ADGRV1: variants seen among roughly 807,000 people sequenced by gnomAD.
ADGRV1 encodes G-protein coupled receptor 98.
Under a neutral mutation model 596.2 loss-of-function variants are expected in ADGRV1, and 359 were observed. The observed-to-expected ratio is 0.60, with a 90% CI of 0.55 to 0.66. ADGRV1 has a LOEUF of 0.66. Ranked by LOEUF, ADGRV1 falls within the 30% of genes least tolerant of loss-of-function variation. The probability of loss-of-function intolerance (pLI) is 0.00; values close to 1 mark genes in which losing one functional copy is unlikely to be tolerated. For missense variants in ADGRV1, 7,274 were observed against 7,575.6 expected, an observed-to-expected ratio of 0.96 and a Z score of 1.48; for synonymous variants, 2,681 against 2,679.2, an observed-to-expected ratio of 1.00 and a Z score of -0.02.
intron 55 of ADGRV1, 40 bp from the exon 56 acceptor site, chr5:90,756,414 A>T: frequency 3.2e-6 from 4 of 1,250,902 alleles, no homozygotes; most frequent in South Asian, 1.8e-5. Flanking sequence ...TAAATGTCTT[A>T]AAAAAAAATG....
chr5:90,841,241 G>GA (rs34693105), intron 78 of ADGRV1, among the ~76,000 whole-genome samples: 5 of 151,746 alleles, frequency 3.3e-5, no homozygotes, highest in African/African-American at 7.3e-5. Context: ...CCTAGTGCAT[G>GA]AAAAAAAAGG....
Position 90,651,742 on chromosome 5 carries a change from T to C in ADGRV1, c.3416+12T>C. 2 of 1,557,260 alleles carry C rather than the reference T, an allele frequency of 1.3e-6. No homozygotes were observed. Among genetic ancestry groups the C allele is most frequent in the African/African-American group, 2.7e-5 (2 of 73,820 alleles). On this transcript the variant is annotated intron_variant, in intron 18 of 89. Transcript: ENST00000405460. ...ACTAATGCATTTTGGTAAGCATATG[T>C]AGATAAGGCAAGTTTAAAATTGGGT...
intron 45 of ADGRV1, among the ~76,000 whole-genome samples, chr5:90,721,519 T>TAAAATAAAATA: frequency 1.9e-5 from 1 of 52,078 alleles, no homozygotes; most frequent in East Asian, 7.8e-4. Context: ...TAAAATAAAA[T>TAAAATAAAATA]AAAATAAAAA....
At chr5:90,820,655 TA>T (rs1447895992) in intron 75 of ADGRV1, among the ~76,000 whole-genome samples, 1 of 150,354 alleles carries the variant, frequency 6.7e-6, no homozygotes, top group Non-Finnish European at 1.5e-5. Flanking sequence ...TAAAGTATTT[TA>T]TTTCTCCTTC....
intron 84 of ADGRV1, among the ~76,000 whole-genome samples, chr5:90,973,257 G>C (rs1387767528): frequency 6.6e-6 from 1 of 152,090 alleles, no homozygotes; most frequent in African/African-American, 2.4e-5. Flanking sequence ...ATTCACAGTC[G>C]AATTCTACCA....
At chr5:90,668,470 C>A (rs1396573111) in intron 21 of ADGRV1, among the ~76,000 whole-genome samples, 2 of 152,174 alleles carry the variant, frequency 1.3e-5, no homozygotes, top group African/African-American at 2.4e-5. Context: ...TGCTTCGGCT[C>A]CCGCATGGTG....
intron 61 of ADGRV1, 37 bp downstream of exon 61, chr5:90,776,613 G>C (rs1305698385): frequency 6.2e-7 from 1 of 1,603,906 alleles, no homozygotes. Flanking sequence ...CTATATGGGG[G>C]TTACGAAGTT....
At chr5:90,570,074 A>G (rs1289685829) in intron 1 of ADGRV1, among the ~76,000 whole-genome samples, 4 of 152,090 alleles carry the variant, frequency 2.6e-5, no homozygotes, top group African/African-American at 9.7e-5. Context: ...GTTACTCTCT[A>G]ATGTTCTTTC....
chr5:90,619,517 G>C (rs1763775604), intron 4 of ADGRV1, among the ~76,000 whole-genome samples: 1 of 152,106 alleles, frequency 6.6e-6, no homozygotes, highest in Non-Finnish European at 1.5e-5. Flanking sequence ...CCTAAAGAAA[G>C]TGTTGTTTGT....
chr5:91,023,395 G>C (rs577865525), intron 85 of ADGRV1, among the ~76,000 whole-genome samples: 196 of 152,240 alleles, frequency 1.3e-3, no homozygotes, highest in Non-Finnish European at 2.5e-3. Context: ...AGGAAGGTGA[G>C]GTGATAAAGT....
Position 90,647,585 on chromosome 5 carries a change from A to G in ADGRV1, c.3110A>G (p.Gln1037Arg). ...TCTGTTGATGTGACTTGCATGGTCC[A>G]GTATGCTACCAAGGATGGGAAGGCT... is the stretch of plus-strand genomic sequence containing the variant. ...NGSVDVTCMV[Q>R]YATKDGKATA... Residue 1037 changes from glutamine (Q) to arginine (R), a missense_variant, in exon 17 of 90, where the codon CAG (glutamine) becomes CGG (arginine). Around this residue, in one of 5 missense-constraint regions of ADGRV1, gnomAD observed 1,715 missense variants for 1,708.8 expected, o/e 1.00. Coordinates refer to ENST00000405460, the MANE Select transcript of ADGRV1 (RefSeq NM_032119.4). 1.9e-6 allele frequency: 3 copies of G among 1,613,994 alleles called. No homozygotes were observed. The highest frequency in any genetic ancestry group is 2.5e-6 in the Non-Finnish European group (3 of 1,179,854).
rs368624483 is a variant in ADGRV1 at position 91,114,800 on chromosome 5, C to T, written c.18432+12460C>T. 1.9e-4 allele frequency among the ~76,000 whole-genome samples: 29 copies of T among 152,278 alleles called. 1 individual carries two copies. The East Asian group carries it at 2.7e-3, about 14-fold the overall frequency. ...GAGCAGCTGCTTTCTGCTTAGTCCCCATAGCCTTTCCTCTCATGCACAGGC... is the reference window on the plus strand; with the variant it reads ...GAGCAGCTGCTTTCTGCTTAGTCCCTATAGCCTTTCCTCTCATGCACAGGC... On this transcript the variant is annotated intron_variant, in intron 87 of 89. Coordinates refer to ENST00000405460, the MANE Select transcript of ADGRV1 (RefSeq NM_032119.4).
In ADGRV1 at chr5:90,813,321, G is replaced by C. The variant is rs985211219; in HGVS notation, c.16078+1983G>C. On this transcript the variant is annotated intron_variant, in intron 74 of 89. Coordinates refer to ENST00000405460, the MANE Select transcript of ADGRV1 (RefSeq NM_032119.4). ...AAATGGCTTCTGGAGGTTCTTTGCT[G>C]TTCCAAGCCATACTCCATTAATTAC... 6.6e-5 allele frequency among the ~76,000 whole-genome samples: 10 copies of C among 152,100 alleles called. No homozygotes were observed. The East Asian group carries it at 1.4e-3, about 21-fold the overall frequency.
rs775837757 is a variant in ADGRV1 at position 90,985,354 on chromosome 5, T to C, written c.17984T>C (p.Phe5995Ser). The change falls in exon 85 of 90, where the codon TTC becomes TCC. Residue 5995 changes from phenylalanine to serine, a missense_variant. Physicochemically the swap from Phe to Ser is radical, Grantham distance 155 (BLOSUM62 -2). Around this residue, in one of 5 missense-constraint regions of ADGRV1, gnomAD observed 1,874 missense variants for 1,970.2 expected, o/e 0.95. Coordinates refer to ENST00000405460, the MANE Select transcript of ADGRV1 (RefSeq NM_032119.4). ...FSWMLIQSVN[F>S]WYVLVMNDEH... ...TGTTTTCTTCCTTAGTCTGTGAATT[T>C]CTGGTACGTGCTGGTGATGAATGAT... 6.2e-7 allele frequency: 1 copy of C among 1,607,600 alleles called. No homozygotes were observed. The highest frequency in any genetic ancestry group is 1.3e-5 in the African/African-American group (1 of 74,926).
intron 72 of ADGRV1, among the ~76,000 whole-genome samples, chr5:90,806,925 T>TC (rs989260034): frequency 6.6e-6 from 1 of 152,016 alleles, no homozygotes; most frequent in African/African-American, 2.4e-5. Flanking sequence ...CCATCTCAAC[T>TC]CACTGCAACC....
At chr5:91,041,167 A>G (rs953578912) in intron 85 of ADGRV1, among the ~76,000 whole-genome samples, 13 of 152,304 alleles carry the variant, frequency 8.5e-5, no homozygotes, top group East Asian at 5.8e-4. Context: ...AAATCATTCT[A>G]CTATAAAGAC....
intron 85 of ADGRV1, among the ~76,000 whole-genome samples, chr5:91,041,589 A>T (rs1443928970): frequency 6.6e-6 from 1 of 152,006 alleles, no homozygotes; most frequent in Non-Finnish European, 1.5e-5. Context: ...TACCTATGTA[A>T]CAAAACCGCA....
At chr5:90,650,496 TG>T (rs1768436663) in intron 17 of ADGRV1, among the ~76,000 whole-genome samples, 1 of 152,260 alleles carries the variant, frequency 6.6e-6, no homozygotes, top group African/African-American at 2.4e-5. Flanking sequence ...GTTGTATATT[TG>T]TATAATTTTT....
At chr5:90,975,027 C>T (rs532794632) in intron 84 of ADGRV1, among the ~76,000 whole-genome samples, 1 of 151,974 alleles carries the variant, frequency 6.6e-6, no homozygotes, top group Non-Finnish European at 1.5e-5. Flanking sequence ...AACCCCATCA[C>T]AAAGTGGGCG....
Sources: allele counts gnomAD v4.1 joint callset (sites outside exome capture counted in the v4.1 genomes callset), GRCh38; gene constraint gnomAD v4.1.1; regional missense constraint gnomAD v4.1.1; transcripts MANE v1.5; gene names NCBI Gene and HGNC (gene_info 2026-07-23, HGNC 2026-07-21).